Variants in APBB2 observed in about 807,000 individuals in gnomAD.
APBB2 encodes the protein amyloid beta precursor protein binding family B member 2, also known as Fe65-like 1.
In APBB2, 38 loss-of-function variants were observed where a neutral mutation model predicts 82.5. The ratio of observed to expected loss-of-function variants is 0.46; its 90% CI spans 0.36 to 0.60. The LOEUF is 0.60. APBB2 is among the 20% of genes least tolerant of loss of function. The probability of loss-of-function intolerance (pLI) is 0.00; values close to 1 mark genes in which losing one functional copy is unlikely to be tolerated. For missense variants in APBB2, 772 were observed against 972.3 expected, an observed-to-expected ratio of 0.79 and a Z score of 2.74; for synonymous variants, 341 against 368.2, an observed-to-expected ratio of 0.93 and a Z score of 0.85.
At chr4:40,850,931 G>A (rs1443993113) in intron 12 of APBB2, among the ~76,000 whole-genome samples, 1 of 152,050 alleles carries the variant, frequency 6.6e-6, no homozygotes, top group Admixed American at 6.6e-5. Context: ...GGGTAACTGA[G>A]TGAGACCCCG....
chr4:41,209,326 C>T (rs1024388826), intron 1 of APBB2, among the ~76,000 whole-genome samples: 1 of 152,260 alleles, frequency 6.6e-6, no homozygotes, highest in African/African-American at 2.4e-5. Flanking sequence ...TCTGCCCCAT[C>T]GCAGCTTGCC....
chr4:40,993,061 C>T (rs1409533411), intron 6 of APBB2, among the ~76,000 whole-genome samples: 2 of 152,126 alleles, frequency 1.3e-5, no homozygotes, highest in Non-Finnish European at 2.9e-5. Context: ...TTTGCTGAGC[C>T]CTTACTACAT....
chr4:40,833,055 C>G (rs1278330717), intron 12 of APBB2, among the ~76,000 whole-genome samples: 2 of 152,202 alleles, frequency 1.3e-5, no homozygotes, highest in African/African-American at 4.8e-5. Flanking sequence ...ACCATCAAGG[C>G]AACACATAAG....
At chr4:41,058,185 G>A (rs1385211547) in intron 4 of APBB2, among the ~76,000 whole-genome samples, 1 of 151,930 alleles carries the variant, frequency 6.6e-6, no homozygotes, top group Admixed American at 6.6e-5. Context: ...CTGGAAAAGG[G>A]AAAGTGATAG....
intron 10 of APBB2, among the ~76,000 whole-genome samples, chr4:40,911,495 A>AT (rs1243269623): frequency 6.6e-6 from 1 of 152,192 alleles, no homozygotes; most frequent in Admixed American, 6.5e-5. Flanking sequence ...GTCATATAAA[A>AT]TATCGATTCA....
chr4:41,051,640 G>C (rs375988355), intron 4 of APBB2, among the ~76,000 whole-genome samples: 2 of 152,026 alleles, frequency 1.3e-5, no homozygotes, highest in South Asian at 2.1e-4. Flanking sequence ...TTCCACGGTC[G>C]CCTCTAGGCC....
intron 10 of APBB2, among the ~76,000 whole-genome samples, chr4:40,925,279 C>A (rs897497988): frequency 1.3e-5 from 2 of 152,224 alleles, no homozygotes; most frequent in African/African-American, 4.8e-5. Context: ...GTGCTAAGGA[C>A]TGTTCCAAGA....
chr4:40,997,734 G>T (rs574718622), intron 6 of APBB2, among the ~76,000 whole-genome samples: 6 of 152,168 alleles, frequency 3.9e-5, no homozygotes, highest in Non-Finnish European at 8.8e-5. Context: ...AACATTGCTG[G>T]CATCTCAGCA....
At chr4:40,846,326 CAAAAAAAAAAAA>C (rs3086182) in intron 12 of APBB2, among the ~76,000 whole-genome samples, 3 of 62,516 alleles carry the variant, frequency 4.8e-5, no homozygotes, top group East Asian at 5.1e-4. Flanking sequence ...GAAAACACTC[CAAAAAAAAAAAA>C]AAAAAAAAAA....
intron 6 of APBB2, among the ~76,000 whole-genome samples, chr4:40,994,338 C>T (rs1803027187): frequency 6.6e-6 from 1 of 150,976 alleles, no homozygotes; most frequent in African/African-American, 2.4e-5. Context: ...GACTACAGGC[C>T]AAACTTACTA....
In APBB2 at chr4:40,811,745, T is replaced by C. The variant is rs1744459181; in HGVS notation, c.*4347A>G. 5 of 152,218 alleles carry C rather than the reference T, an allele frequency of 3.3e-5. No homozygotes were observed. The South Asian group carries it at 1.0e-3, about 32-fold the overall frequency. 9.4% of individuals were successfully genotyped at this position (152,218 alleles called of 1,614,324 possible). Reference sequence around the variant, plus strand: ...TCTGAAATTATTTACCACCATATAATGCCTGAAACCATAATGAAATTTTGT... The same window carrying C: ...TCTGAAATTATTTACCACCATATAACGCCTGAAACCATAATGAAATTTTGT... On this transcript the variant is annotated 3_prime_UTR_variant, in exon 18 of 18. Transcript: ENST00000508593.
chr4:41,065,419 G>T (rs928651661), intron 4 of APBB2, among the ~76,000 whole-genome samples, 157 bp downstream of exon 4: 4 of 152,174 alleles, frequency 2.6e-5, no homozygotes, highest in Admixed American at 6.5e-5. Flanking sequence ...TTCTTACCAT[G>T]CAATATTTAA....
At chr4:41,039,073 G>A (rs1416392059) in intron 4 of APBB2, among the ~76,000 whole-genome samples, 1 of 152,190 alleles carries the variant, frequency 6.6e-6, no homozygotes, top group Non-Finnish European at 1.5e-5. Flanking sequence ...ATGAGAAGGA[G>A]CTTTCATTTC....
chr4:40,985,721 G>A (rs1800249822), intron 6 of APBB2, among the ~76,000 whole-genome samples: 1 of 152,068 alleles, frequency 6.6e-6, no homozygotes, highest in African/African-American at 2.4e-5. Context: ...TTTTTATTCT[G>A]TTGCAATTTC....
At chr4:41,049,498 G>A (rs1371593076) in intron 4 of APBB2, among the ~76,000 whole-genome samples, 1,535 of 144,312 alleles carry the variant, frequency 0.011, 21 homozygotes, top group African/African-American at 0.033. Context: ...CGCCCCGTCC[G>A]GGAGGGAGGT....
intron 3 of APBB2, among the ~76,000 whole-genome samples, chr4:41,094,597 C>G (rs1334634168): frequency 6.6e-6 from 1 of 152,184 alleles, no homozygotes; most frequent in African/African-American, 2.4e-5. Flanking sequence ...GGGAGTCTCC[C>G]TTTGTCACCC....
chr4:40,941,913 A>G (rs958022538), intron 7 of APBB2, among the ~76,000 whole-genome samples: 2 of 152,180 alleles, frequency 1.3e-5, no homozygotes, highest in East Asian at 3.9e-4. Flanking sequence ...CTGGGATTAC[A>G]GGCGTGAGCT....
Position 41,006,797 on chromosome 4 carries a change from A to G in APBB2, c.835+6786T>C, listed in dbSNP as rs116756435. 6.6e-3 allele frequency among the ~76,000 whole-genome samples: 1,008 copies of G among 152,260 alleles called. 16 individuals carry two copies. The highest frequency in any genetic ancestry group is 0.022 in the African/African-American group (897 of 41,542). On this transcript the variant is annotated intron_variant, in intron 6 of 17. Coordinates refer to ENST00000508593, the MANE Select transcript of APBB2 (RefSeq NM_004307.2). ...CTAGTATTTGTAAGAAAAAAGGGGGAAAAATATTTACAGTTAAAATTAACC... is the reference window on the plus strand; with the variant it reads ...CTAGTATTTGTAAGAAAAAAGGGGGGAAAATATTTACAGTTAAAATTAACC...
At chr4:41,159,934 G>A (rs775550537) in intron 1 of APBB2, among the ~76,000 whole-genome samples, 3,388 of 32,862 alleles carry the variant, frequency 0.1, 220 homozygotes, top group Non-Finnish European at 0.16. Context: ...GGAGGAGGAG[G>A]AGGAGGAGGA....
Sources: gnomAD v4.1 joint callset for allele counts (sites outside exome capture counted in the v4.1 genomes callset) on GRCh38, gnomAD v4.1.1 for gene constraint, MANE v1.5 for transcripts, NCBI Gene and HGNC (gene_info 2026-07-23, HGNC 2026-07-21) for gene names.